Variants in BIRC2 observed in about 807,000 individuals in gnomAD.
The protein encoded by BIRC2 is baculoviral IAP repeat containing 2.
Under a neutral mutation model 60.9 loss-of-function variants are expected in BIRC2, and 18 were observed. That is an observed-to-expected ratio of 0.30 (90% CI 0.20 to 0.44). The LOEUF (loss-of-function observed/expected upper bound fraction) is 0.44, where lower values mean the gene tolerates loss of function less well. Among genes scored for constraint, BIRC2 ranks in the 20% least tolerant of loss-of-function variants. The probability of loss-of-function intolerance (pLI) is 1.00; values close to 1 mark genes in which losing one functional copy is unlikely to be tolerated. For synonymous variants in BIRC2, 282 were observed against 247.7 expected (o/e 1.14, Z -1.30); for missense variants, 701 against 728.5 (o/e 0.96, Z 0.43).
intron 6 of BIRC2, among the ~76,000 whole-genome samples, chr11:102,375,008 C>G (rs1045449304): frequency 2.0e-5 from 3 of 152,242 alleles, no homozygotes; most frequent in African/African-American, 7.2e-5. Flanking sequence ...TGTGGCAATG[C>G]CTTGCCCTGC....
rs537374593 is a variant in BIRC2, at chr11:102,347,233, C to G, written c.-1401C>G. The G allele has an allele frequency of 6.6e-6, 1 of 152,418 alleles. No homozygotes were observed. The highest frequency in any genetic ancestry group is 2.1e-4 in the South Asian group (1 of 4,834). The allele number at this position is 152,418 out of a possible 1,614,324, so 9.4% of individuals were successfully genotyped here. A position where few individuals can be genotyped will look rare whatever the true frequency, so the allele number is the denominator to read the frequency against. On this transcript the variant is annotated 5_prime_UTR_variant, in exon 1 of 9. Transcript: ENST00000227758. ...GACGTCATCGTGCGTCAGAGTGAGC[C>G]CGGATGGGGCGGCGGGCTTCGGGAG...
rs61520984 is a variant in BIRC2, at chr11:102,354,944, GTTTTT to G, written c.995+4018_995+4022del. Among the ~76,000 whole-genome samples the G allele has an allele frequency of 6.7e-5, 6 of 89,650 alleles. 1 individual carries two copies. Among genetic ancestry groups the G allele is most frequent in the South Asian group, 7.8e-4 (2 of 2,558 alleles). 58.8% of individuals were successfully genotyped at this position (89,650 alleles called of 152,430 possible). A position where few individuals can be genotyped will look rare whatever the true frequency, so the allele number is the denominator to read the frequency against. ...CCGTTTTCTAACCTGAATTATTTGGGTTTTTTTTTTTTTTTTTTTTTGCTATTGAG... is the reference window on the plus strand; with the variant it reads ...CCGTTTTCTAACCTGAATTATTTGGGTTTTTTTTTTTTTTTTGCTATTGAG... On this transcript the variant is annotated intron_variant, in intron 3 of 8. Transcript: ENST00000227758.
At chr11:102,376,496 T>A (rs919592826) in intron 6 of BIRC2, among the ~76,000 whole-genome samples, 15 of 152,344 alleles carry the variant, frequency 9.8e-5, no homozygotes, top group Admixed American at 2.0e-4. Context: ...TTTTTATAAT[T>A]TATTTCTCAT....
intron 3 of BIRC2, among the ~76,000 whole-genome samples, chr11:102,357,772 AT>A (rs1251496933): frequency 7.9e-5 from 12 of 151,874 alleles, no homozygotes; most frequent in Non-Finnish European, 1.5e-4. Flanking sequence ...TGTAGTCTCT[AT>A]TTCATGAGAT....
At chr11:102,373,294 A>G (rs1371104603) in intron 6 of BIRC2, among the ~76,000 whole-genome samples, 1 of 152,168 alleles carries the variant, frequency 6.6e-6, no homozygotes, top group Non-Finnish European at 1.5e-5. Context: ...ATGATTTTGC[A>G]GCTGCTGGTA....
intron 6 of BIRC2, among the ~76,000 whole-genome samples, chr11:102,369,423 T>C (rs987599607): frequency 7.9e-5 from 12 of 151,364 alleles, no homozygotes; most frequent in Non-Finnish European, 1.8e-4. Context: ...TGTTTGGTTT[T>C]TCGTTCTTGC....
chr11:102,368,297 T>G lies in BIRC2; in HGVS notation c.1124-9T>G. 6.2e-7 allele frequency: 1 copy of G among 1,606,636 alleles called. No homozygotes were observed. Among genetic ancestry groups the G allele is most frequent in the Non-Finnish European group, 8.5e-7 (1 of 1,176,384 alleles). ...GGAATTTAATATTAGCATGTTTCTT[T>G]TCAAATAGTTATTCATTTTGGACCT... On this transcript the variant is annotated splice_polypyrimidine_tract_variant and intron_variant, in intron 5 of 8. Coordinates refer to ENST00000227758, the MANE Select transcript of BIRC2 (RefSeq NM_001166.5).
rs778153865 is a variant in BIRC2, at chr11:102,350,535, C to G, written c.681C>G (p.Leu227=). ...RVACFACGGK[L]SNWEPKDDAM... is the part of the protein sequence containing the mutation. The stretch of plus-strand genomic sequence containing the variant: ...CCTGCTTTGCCTGTGGTGGGAAGCT[C>G]AGTAACTGGGAACCAAAGGATGATG... The change falls in exon 2 of 9, where the codon CTC becomes CTG. Residue 227 remains leucine, a synonymous_variant. Coordinates refer to ENST00000227758, the MANE Select transcript of BIRC2 (RefSeq NM_001166.5). 14 of 1,614,142 alleles carry G rather than the reference C, an allele frequency of 8.7e-6. No individual in the cohort carries two copies. In the East Asian group the frequency reaches 8.9e-5, roughly 10 times the overall value.
intron 6 of BIRC2, among the ~76,000 whole-genome samples, chr11:102,372,270 A>G (rs1036454655): frequency 2.6e-5 from 4 of 152,084 alleles, no homozygotes; most frequent in African/African-American, 9.7e-5. Flanking sequence ...TAGGGTGTCA[A>G]TTTTAGATCT....
At position 102,348,767 on chromosome 11, in the gene BIRC2, T is replaced by C; in HGVS notation, c.-1088T>C. On this transcript the variant is annotated 5_prime_UTR_variant, in exon 2 of 9. An upstream open reading frame in the 5' UTR loses its in-frame stop. Transcript: ENST00000227758. ...ATTGAAGAGTTTTCAGAAAGAAGGCTAGTAGAGTTGATTACTGATACTTTA... is the reference window on the plus strand; with the variant it reads ...ATTGAAGAGTTTTCAGAAAGAAGGCCAGTAGAGTTGATTACTGATACTTTA... The C allele has an allele frequency of 2.7e-6, 1 of 370,422 alleles. No individual in the cohort carries two copies. The highest frequency in any genetic ancestry group is 5.2e-6 in the Non-Finnish European group (1 of 192,084). The allele number at this position is 370,422 out of a possible 1,614,324, so 22.9% of individuals were successfully genotyped here.
At chr11:102,371,003 TG>T (rs1225153226) in intron 6 of BIRC2, among the ~76,000 whole-genome samples, 1 of 4,340 alleles carries the variant, frequency 2.3e-4, no homozygotes, top group Non-Finnish European at 4.9e-4. Context: ...TTGTGATTTT[TG>T]TACATTGATT....
intron 5 of BIRC2, among the ~76,000 whole-genome samples, chr11:102,365,272 A>ATT (rs1226423008): frequency 6.6e-6 from 1 of 152,096 alleles, no homozygotes; most frequent in African/African-American, 2.4e-5. Context: ...CGAGTCTTCA[A>ATT]TTTTTCCACC....
At chr11:102,374,655 A>G (rs1295910829) in intron 6 of BIRC2, among the ~76,000 whole-genome samples, 3 of 152,088 alleles carry the variant, frequency 2.0e-5, no homozygotes, top group African/African-American at 7.2e-5. Context: ...GGTGGAGCCT[A>G]CAGAGGCAGG....
In BIRC2 at chr11:102,350,210, C is replaced by G; in HGVS notation, c.356C>G (p.Ala119Gly). 1 of 1,614,200 alleles carries G rather than the reference C, an allele frequency of 6.2e-7. No homozygotes were observed. The highest frequency in any genetic ancestry group is 8.5e-7 in the Non-Finnish European group (1 of 1,180,036). Residue 119 changes from alanine (A) to glycine (G), a missense_variant, in exon 2 of 9, where the codon GCT becomes GGT. Transcript: ENST00000227758. ...AGCTTTATTCAGAATCTGGTTTCAG[C>G]TAGTCTGGGATCCACCTCTAAGAAT... is the stretch of plus-strand genomic sequence containing the variant. ...SCSFIQNLVS[A>G]SLGSTSKNTS...
intron 3 of BIRC2, among the ~76,000 whole-genome samples, chr11:102,356,675 T>C (rs1951425363): frequency 1.3e-5 from 2 of 149,938 alleles, no homozygotes; most frequent in Admixed American, 1.3e-4. Context: ...TTATTATTAT[T>C]ATTAATTTTT....
intron 3 of BIRC2, among the ~76,000 whole-genome samples, chr11:102,355,421 A>G (rs1261218314): frequency 6.6e-6 from 1 of 151,998 alleles, no homozygotes; most frequent in Non-Finnish European, 1.5e-5. Flanking sequence ...AGATTAATTG[A>G]TTGTATATGT....
chr11:102,358,841 A>G (rs1325540807), intron 3 of BIRC2, among the ~76,000 whole-genome samples: 5 of 152,126 alleles, frequency 3.3e-5, no homozygotes, highest in Admixed American at 2.0e-4. Flanking sequence ...TCCTATACCC[A>G]TGCATGTGCT....
intron 3 of BIRC2, among the ~76,000 whole-genome samples, chr11:102,351,882 T>C (rs898799911): frequency 1.3e-5 from 2 of 152,114 alleles, no homozygotes; most frequent in African/African-American, 4.8e-5. Context: ...CCTAGATAAT[T>C]TTTTAAAATA....
In BIRC2 at chr11:102,350,004, G is replaced by A; in HGVS notation, c.150G>A (p.Met50Ile). The A allele has an allele frequency of 1.2e-6, 2 of 1,614,170 alleles. No individual in the cohort carries two copies. The highest frequency in any genetic ancestry group is 1.7e-6 in the Non-Finnish European group (2 of 1,180,024). Residue 50 changes from methionine to isoleucine, a missense_variant, in exon 2 of 9, where the codon ATG (methionine) becomes ATA (isoleucine). Around this residue, in one of 4 missense-constraint regions of BIRC2, gnomAD observed 375 missense variants for 365.9 expected, o/e 1.02. Transcript: ENST00000227758. ...KYDFSCELYR[M>I]STYSTFPAGV... Reference sequence around the variant, plus strand: ...ACTTTTCCTGTGAACTCTACAGAATGTCTACATATTCAACTTTCCCCGCCG... The same window carrying A: ...ACTTTTCCTGTGAACTCTACAGAATATCTACATATTCAACTTTCCCCGCCG...
Sources: gnomAD v4.1 joint callset for allele counts (sites outside exome capture counted in the v4.1 genomes callset) on GRCh38, gnomAD v4.1.1 for gene constraint, gnomAD v4.1.1 regional missense constraint, MANE v1.5 for transcripts, NCBI Gene and HGNC (gene_info 2026-07-23, HGNC 2026-07-21) for gene names.